SDK2: variants seen among roughly 807,000 people sequenced by gnomAD.
SDK2 encodes sidekick cell adhesion molecule 2, also known as protein sidekick-2.
A neutral mutation model predicts 253.9 loss-of-function variants in SDK2; 105 were observed. That is an observed-to-expected ratio of 0.41 (90% CI 0.35 to 0.49). SDK2 has a LOEUF of 0.49. SDK2 is among the 20% of genes least tolerant of loss of function. The pLI, the probability that SDK2 is intolerant of heterozygous loss-of-function variation, is 0.06. For missense variants in SDK2, 2,608 were observed against 3,003.0 expected (o/e 0.87, Z 3.07); for synonymous variants, 1,249 against 1,234.9 (o/e 1.01, Z -0.24).
rs550009679 is a variant in SDK2 at position 73,387,330 on chromosome 17, T to C, written c.4394+506A>G. Among the ~76,000 whole-genome samples the C allele has an allele frequency of 2.0e-5, 3 of 152,248 alleles. No homozygotes were observed. In the East Asian group the frequency reaches 5.8e-4, roughly 29 times the overall value. Reference sequence around the variant, plus strand: ...AGAGTTAAGCAGTACTTCATCTCTATAAGCCTTATTTCCTCTGGGAGCAAA... The same window carrying C: ...AGAGTTAAGCAGTACTTCATCTCTACAAGCCTTATTTCCTCTGGGAGCAAA... On this transcript the variant is annotated intron_variant, in intron 30 of 44. Coordinates refer to ENST00000392650, the MANE Select transcript of SDK2 (RefSeq NM_001144952.2).
intron 1 of SDK2, among the ~76,000 whole-genome samples, chr17:73,573,273 G>C (rs753458845): frequency 6.6e-6 from 1 of 152,188 alleles, no homozygotes; most frequent in Non-Finnish European, 1.5e-5. Flanking sequence ...TTGAGACAAT[G>C]ATGAGTCTAA....
At chr17:73,484,060 G>A (rs944977110) in intron 2 of SDK2, among the ~76,000 whole-genome samples, 3 of 151,984 alleles carry the variant, frequency 2.0e-5, no homozygotes, top group South Asian at 2.1e-4. Flanking sequence ...CTCTCACCTC[G>A]ATTACAATTG....
At chr17:73,469,992 G>GCGCGCGCGCGCGCACA (rs1328450219) in intron 3 of SDK2, among the ~76,000 whole-genome samples, 8 of 126,182 alleles carry the variant, frequency 6.3e-5, no homozygotes, top group African/African-American at 2.5e-4. Flanking sequence ...GCGCGCGCGC[G>GCGCGCGCGCGCGCACA]CACACACACA....
chr17:73,538,442 T>C (rs558112801), intron 1 of SDK2, among the ~76,000 whole-genome samples: 2 of 152,324 alleles, frequency 1.3e-5, no homozygotes, highest in Non-Finnish European at 2.9e-5. Context: ...AAACCCACCA[T>C]GTGATGCTGG....
At chr17:73,385,973 G>A (rs1814540144) in intron 31 of SDK2, 56 bp from the exon 32 acceptor site, 1 of 1,310,250 alleles carries the variant, frequency 7.6e-7, no homozygotes, top group African/African-American at 1.5e-5. Flanking sequence ...AGTTCCCCAG[G>A]AGCCCACTGA....
chr17:73,390,371 C>T lies in SDK2; in HGVS notation c.4108G>A (p.Val1370Ile), dbSNP rs1362675363. 1 of 1,612,744 alleles carries T rather than the reference C, an allele frequency of 6.2e-7. No individual in the cohort carries two copies. Among genetic ancestry groups the T allele is most frequent in the Admixed American group, 1.7e-5 (1 of 59,956 alleles). Residue 1370 changes from valine to isoleucine, a missense_variant, in exon 29 of 45, where the codon GTC becomes ATC. Around this residue, in one of 2 missense-constraint regions of SDK2, gnomAD observed 1,103 missense variants for 1,143.9 expected, o/e 0.96. Coordinates refer to ENST00000392650, the MANE Select transcript of SDK2 (RefSeq NM_001144952.2). ...TGGGCCGTGATGCGGAACAGGTAGA[C>T]AGACTCTGGCTTGAGGCCCGTGGCT... ...YTATGLKPESVYLFRITAQTR... is the reference protein window; with the variant it reads ...YTATGLKPESIYLFRITAQTR...
In SDK2 at chr17:73,379,606, G is replaced by T; in HGVS notation, c.4763-57C>A. 1 of 1,081,726 alleles carries T rather than the reference G, an allele frequency of 9.2e-7. No homozygotes were observed. The highest frequency in any genetic ancestry group is 1.4e-6 in the Non-Finnish European group (1 of 721,080). The allele number at this position is 1,081,726 out of a possible 1,614,324, so 67.0% of individuals were successfully genotyped here. On this transcript the variant is annotated intron_variant, in intron 34 of 44. Coordinates refer to ENST00000392650, the MANE Select transcript of SDK2 (RefSeq NM_001144952.2). The surrounding 1 kb of genome is among the most constrained non-coding windows in gnomAD (Gnocchi z 4.5). ...CTGAGGTCACCGTCATTGCTGGGAA[G>T]GTGTCCCCAGGGAGGGTGGAGGCTG... is the stretch of plus-strand genomic sequence containing the variant.
At chr17:73,505,478 GTCATCATCATCA>G (rs147048423) in intron 2 of SDK2, among the ~76,000 whole-genome samples, 1 of 151,300 alleles carries the variant, frequency 6.6e-6, no homozygotes, top group Non-Finnish European at 1.5e-5. Context: ...CATTGTTATT[GTCATCATCATCA>G]TCATCATCCT....
chr17:73,626,758 A>G (rs2046207375), intron 1 of SDK2, among the ~76,000 whole-genome samples: 1 of 152,152 alleles, frequency 6.6e-6, no homozygotes, highest in Non-Finnish European at 1.5e-5. Context: ...CAGCGATGGA[A>G]TGGGAGGGTT....
chr17:73,345,609 C>T (rs2062476369), intron 44 of SDK2, among the ~76,000 whole-genome samples: 1 of 152,118 alleles, frequency 6.6e-6, no homozygotes, highest in Admixed American at 6.6e-5. Context: ...AGAGAGCAAA[C>T]CCATCACTTA....
intron 2 of SDK2, among the ~76,000 whole-genome samples, chr17:73,500,663 A>G (rs1453811014): frequency 1.4e-5 from 1 of 72,356 alleles, no homozygotes; most frequent in Non-Finnish European, 2.8e-5. Context: ...TCCTCACTCC[A>G]TCTCCTCCAT....
chr17:73,412,262 A>G (rs2063145884), intron 18 of SDK2, among the ~76,000 whole-genome samples: 1 of 149,922 alleles, frequency 6.7e-6, no homozygotes, highest in African/African-American at 2.4e-5. Context: ...ATATACATAT[A>G]CATATATATA....
chr17:73,488,260 C>A (rs1199969092), intron 2 of SDK2, among the ~76,000 whole-genome samples: 1 of 152,214 alleles, frequency 6.6e-6, no homozygotes, highest in East Asian at 1.9e-4. Flanking sequence ...TTGTGATTCG[C>A]CTGCCCCAAC....
intron 3 of SDK2, among the ~76,000 whole-genome samples, chr17:73,468,398 A>G (rs11654298): frequency 0.067 from 10,148 of 152,196 alleles, 386 homozygotes; most frequent in Admixed American, 0.083. Context: ...AGGGATGAAG[A>G]ACCTGAGCTG....
chr17:73,434,277 G>A (rs2063350563), intron 9 of SDK2, among the ~76,000 whole-genome samples: 1 of 152,240 alleles, frequency 6.6e-6, no homozygotes, highest in African/African-American at 2.4e-5. Flanking sequence ...AAGTGGCCCT[G>A]CCCCAGGAGC....
At chr17:73,505,622 C>G (rs1320772908) in intron 2 of SDK2, among the ~76,000 whole-genome samples, 1 of 150,798 alleles carries the variant, frequency 6.6e-6, no homozygotes, top group Non-Finnish European at 1.5e-5. Flanking sequence ...TCATCATCAT[C>G]AATAGCTGGA....
At chr17:73,438,838 G>C in intron 6 of SDK2, among the ~76,000 whole-genome samples, 1 of 152,156 alleles carries the variant, frequency 6.6e-6, no homozygotes, top group East Asian at 1.9e-4. Context: ...TAGTGCCATG[G>C]GGGTATTCAG....
At position 73,371,924 on chromosome 17, in the gene SDK2, C is replaced by T. The variant is rs112297130; in HGVS notation, c.4981-3331G>A. ...GCAGTGAGCTGAGATAGCACCACTG[C>T]ACTCCAGCCTGGGCAACGGAGCGAG... On this transcript the variant is annotated intron_variant, in intron 36 of 44. Coordinates refer to ENST00000392650, the MANE Select transcript of SDK2 (RefSeq NM_001144952.2). Among the ~76,000 whole-genome samples the T allele has an allele frequency of 9.1e-3, 1,361 of 150,372 alleles. 24 individuals are homozygous for T. Among genetic ancestry groups the T allele is most frequent in the African/African-American group, 0.032 (1,303 of 40,818 alleles).
intron 6 of SDK2, 21 bp downstream of exon 6, chr17:73,440,791 G>A (rs769260333): frequency 3.6e-5 from 54 of 1,516,146 alleles, no homozygotes; most frequent in Middle Eastern, 3.6e-4. Flanking sequence ...GTGCGGGAGC[G>A]AGGGAAGATG....
Sources: allele counts gnomAD v4.1 joint callset (sites outside exome capture counted in the v4.1 genomes callset), GRCh38; gene constraint gnomAD v4.1.1; regional missense constraint gnomAD v4.1.1; non-coding constraint Gnocchi (gnomAD v3.1); transcripts MANE v1.5; gene names NCBI Gene and HGNC (gene_info 2026-07-23, HGNC 2026-07-21).